Variants in GBX2 observed in about 807,000 individuals in gnomAD.
GBX2 encodes homeobox protein GBX-2.
Under a neutral mutation model 22.4 loss-of-function variants are expected in GBX2, and 5 were observed. That is an observed-to-expected ratio of 0.22 (90% CI 0.12 to 0.47). The LOEUF (loss-of-function observed/expected upper bound fraction) is 0.47. Ranked by LOEUF, GBX2 falls within the 20% of genes least tolerant of loss-of-function variation. The pLI is 0.99. For missense variants in GBX2, 470 were observed against 495.4 expected (o/e 0.95, Z 0.49); for synonymous variants, 220 against 230.5 (o/e 0.95, Z 0.41).
At position 236,166,438 on chromosome 2, in the gene GBX2, C is replaced by G. The variant is rs748363914; in HGVS notation, c.524-1G>C. The G allele has an allele frequency of 8.2e-5, 132 of 1,604,482 alleles. No individual in the cohort carries two copies. Among genetic ancestry groups the G allele is most frequent in the Non-Finnish European group, 1.1e-4 (131 of 1,172,958 alleles). On this transcript the variant is annotated splice_acceptor_variant, in intron 1 of 1. Coordinates refer to ENST00000306318, the MANE Select transcript of GBX2 (RefSeq NM_001485.4). LOFTEE classifies it high-confidence loss of function. The surrounding 1 kb of genome is among the most constrained non-coding windows in gnomAD (Gnocchi z 6.6). ...TTCCCTTGCCCTCGGACAGCCCCGA[C>G]TGAAAGCAAAACCAAACGGCATTTT...
chr2:236,167,330 C>A lies in GBX2; in HGVS notation c.523+119G>T, dbSNP rs10209196. On this transcript the variant is annotated intron_variant, in intron 1 of 1. Coordinates refer to ENST00000306318, the MANE Select transcript of GBX2 (RefSeq NM_001485.4). The stretch of plus-strand genomic sequence containing the variant: ...AGCCGGGCCTCATCCTCCAGCTCCT[C>A]CCGCGGGGGTCGAGCGGGGGCGCGG... 2,401 of 1,386,394 alleles carry A rather than the reference C, an allele frequency of 1.7e-3. 39 individuals carry two copies. In the African/African-American group the frequency reaches 0.031, roughly 18 times the overall value. 85.9% of individuals were successfully genotyped at this position (1,386,394 alleles called of 1,614,324 possible).
downstream of GBX2, among the ~76,000 whole-genome samples, chr2:236,163,178 G>A (rs1257903525): frequency 6.6e-6 from 1 of 152,154 alleles, no homozygotes; most frequent in African/African-American, 2.4e-5. Context: ...GCCATCAAGC[G>A]CTGCTTGTTT....
In GBX2 at chr2:236,166,341, T is replaced by C; in HGVS notation, c.620A>G (p.Tyr207Cys). 1 of 1,614,078 alleles carries C rather than the reference T, an allele frequency of 6.2e-7. No individual in the cohort carries two copies. The highest frequency in any genetic ancestry group is 8.5e-7 in the Non-Finnish European group (1 of 1,180,022). Residue 207 changes from tyrosine to cysteine, a missense_variant, in exon 2 of 2, where the codon TAC becomes TGC. Coordinates refer to ENST00000306318, the MANE Select transcript of GBX2 (RefSeq NM_001485.4). This position sits in a 1 kb window ranked among gnomAD's most constrained non-coding sequence, Gnocchi z 6.6. ...GCCAGTCAGATTGTCATCCGAGCTG[T>C]AGTCCACATCGCTCTCCAGCGAGAA... ...ESFSLESDVD[Y>C]SSDDNLTGQA...
chr2:236,164,747 T>C (rs1018341930), downstream of GBX2, among the ~76,000 whole-genome samples: 1 of 152,198 alleles, frequency 6.6e-6, no homozygotes, highest in African/African-American at 2.4e-5. Flanking sequence ...GCTGGGTTTT[T>C]GCTCCTGTCG....
chr2:236,162,568 T>C (rs1019016728), downstream of GBX2, among the ~76,000 whole-genome samples: 2 of 152,136 alleles, frequency 1.3e-5, no homozygotes, highest in Non-Finnish European at 2.9e-5. Context: ...GGTTCTCCAA[T>C]GGGGCAGGGG....
chr2:236,167,735 A>G lies in GBX2; in HGVS notation c.237T>C (p.Pro79=). 1 of 1,520,092 alleles carries G rather than the reference A, an allele frequency of 6.6e-7. No individual in the cohort carries two copies. Among genetic ancestry groups the G allele is most frequent in the Non-Finnish European group, 8.8e-7 (1 of 1,138,342 alleles). 94.2% of individuals were successfully genotyped at this position (1,520,092 alleles called of 1,614,324 possible). A position where few individuals can be genotyped will look rare whatever the true frequency, so the allele number is the denominator to read the frequency against. The change falls in exon 1 of 2, where the codon CCT becomes CCC. Residue 79 remains proline (P), a synonymous_variant. Transcript: ENST00000306318. The stretch of plus-strand genomic sequence containing the variant: ...TGGGCAGGCTGGGGATCTGGTGGTG[A>G]GGGTGTGCGGGCGGCAGCGCTGGCT... ...ALQPALPPAH[P]HHQIPSLPTG... is the part of the protein sequence containing the mutation.
rs947378277 is a variant in GBX2, at chr2:236,168,083, C to A, written c.-112G>T. 1.9e-5 allele frequency: 23 copies of A among 1,201,940 alleles called. No homozygotes were observed. Among genetic ancestry groups the A allele is most frequent in the African/African-American group, 1.6e-4 (10 of 61,786 alleles). 74.5% of individuals were successfully genotyped at this position (1,201,940 alleles called of 1,614,324 possible). A position where few individuals can be genotyped will look rare whatever the true frequency, so the allele number is the denominator to read the frequency against. ...CCGGGAGCGCCGGGCAGGGGCCGAG[C>A]GGGACCCGGAGAGCAGACGCCTCCG... is the stretch of plus-strand genomic sequence containing the variant. On this transcript the variant is annotated 5_prime_UTR_variant, in exon 1 of 2. Transcript: ENST00000306318.
chr2:236,167,178 G>A (rs890485996), intron 1 of GBX2: 4 of 1,535,532 alleles, frequency 2.6e-6, no homozygotes, highest in Non-Finnish European at 2.6e-6. Flanking sequence ...AGGCGGCCTC[G>A]GCCAAACGCA....
chr2:236,164,418 T>C (rs2060226658), downstream of GBX2, among the ~76,000 whole-genome samples: 2 of 152,080 alleles, frequency 1.3e-5, no homozygotes, highest in African/African-American at 2.4e-5. Context: ...GGCGGCGCGC[T>C]TCGGGGTCCG....
At position 236,166,380 on chromosome 2, in the gene GBX2, C is replaced by T. The variant is rs752334404; in HGVS notation, c.581G>A (p.Gly194Asp). 3 of 1,614,042 alleles carry T rather than the reference C, an allele frequency of 1.9e-6. No individual in the cohort carries two copies. Among genetic ancestry groups the T allele is most frequent in the Non-Finnish European group, 2.5e-6 (3 of 1,180,014 alleles). ...DESKVEDDPK[G>D]KEESFSLESD... ...CTCCAGCGAGAAGCTCTCCTCCTTG[C>T]CCTTCGGGTCGTCTTCCACCTTTGA... Residue 194 changes from glycine to aspartate, a missense_variant, in exon 2 of 2, where the codon GGC becomes GAC. Gly to Asp is a moderately conservative substitution (Grantham distance 94, BLOSUM62 -1). Coordinates refer to ENST00000306318, the MANE Select transcript of GBX2 (RefSeq NM_001485.4). The surrounding 1 kb of genome is among the most constrained non-coding windows in gnomAD (Gnocchi z 6.6).
rs1235340969 is a variant in GBX2 at position 236,167,897 on chromosome 2, G to A, written c.75C>T (p.Asp25=). Residue 25 remains aspartate, a synonymous_variant, in exon 1 of 2, where the codon GAC becomes GAT. Transcript: ENST00000306318. ...GCTGCGGCGGGCTGCCGATCAGCGA[G>A]TCTATGCTGAAGGCGGTGCTACTCC... ...PLGSSTAFSI[D]SLIGSPPQPS... 6.4e-7 allele frequency: 1 copy of A among 1,560,078 alleles called. No homozygotes were observed. The highest frequency in any genetic ancestry group is 8.6e-7 in the Non-Finnish European group (1 of 1,156,240).
In GBX2 at chr2:236,166,271, C is replaced by G; in HGVS notation, c.690G>C (p.Glu230Asp). ...CCGCGGCGCCGCTGCTCGGCGGGGT[C>G]TCCTCCAGCGCGTGGCCCGGGTCTT... ...KEEDPGHALE[E>D]TPPSSGAAGS... Residue 230 changes from glutamate (E) to aspartate (D), a missense_variant, in exon 2 of 2, where the codon GAG becomes GAC. Glu to Asp is a conservative substitution (Grantham distance 45). Coordinates refer to ENST00000306318, the MANE Select transcript of GBX2 (RefSeq NM_001485.4). This position sits in a 1 kb window ranked among gnomAD's most constrained non-coding sequence, Gnocchi z 6.6. The G allele has an allele frequency of 6.2e-7, 1 of 1,613,726 alleles. No individual in the cohort carries two copies. Among genetic ancestry groups the G allele is most frequent in the South Asian group, 1.1e-5 (1 of 91,086 alleles).
chr2:236,165,840 T>G lies in GBX2; in HGVS notation c.*74A>C. ...TGTGACTTTGTTGCTTCAAACACAG[T>G]GGAGTCCACCATGGGTTCCCTCGGG... On this transcript the variant is annotated 3_prime_UTR_variant, in exon 2 of 2. Coordinates refer to ENST00000306318, the MANE Select transcript of GBX2 (RefSeq NM_001485.4). 8.4e-7 allele frequency: 1 copy of G among 1,194,764 alleles called. No homozygotes were observed. Among genetic ancestry groups the G allele is most frequent in the Non-Finnish European group, 1.2e-6 (1 of 838,052 alleles). 74.0% of individuals were successfully genotyped at this position (1,194,764 alleles called of 1,614,324 possible).
Position 236,166,154 on chromosome 2 carries a change from T to C in GBX2, c.807A>G (p.Lys269=). 1 of 1,614,180 alleles carries C rather than the reference T, an allele frequency of 6.2e-7. No homozygotes were observed. Among genetic ancestry groups the C allele is most frequent in the Non-Finnish European group, 8.5e-7 (1 of 1,180,042 alleles). Residue 269 remains lysine, a synonymous_variant, in exon 2 of 2, where the codon AAA becomes AAG. Transcript: ENST00000306318. The surrounding 1 kb of genome is among the most constrained non-coding windows in gnomAD (Gnocchi z 6.6). The stretch of plus-strand genomic sequence containing the variant: ...AGCGCTCGGTCAAGGAGAGGTACTT[T>C]TTGCAGTGGAACTCCTTCTCTAGCT... The part of the protein sequence containing the change: ...LLELEKEFHC[K]KYLSLTERSQ...
Position 236,167,980 on chromosome 2 carries a change from T to G in GBX2, c.-9A>C. 1 of 1,546,982 alleles carries G rather than the reference T, an allele frequency of 6.5e-7. No homozygotes were observed. ...GGGAACGCTGCGCTCATAGACGCGC[T>G]CGGTAGAGGCCAGCGAGAGGCGAAA... On this transcript the variant is annotated 5_prime_UTR_variant, in exon 1 of 2. Coordinates refer to ENST00000306318, the MANE Select transcript of GBX2 (RefSeq NM_001485.4).
chr2:236,167,382 A>C, intron 1 of GBX2, 67 bp downstream of exon 1: 1 of 1,406,876 alleles, frequency 7.1e-7, no homozygotes, highest in Non-Finnish European at 9.2e-7. Flanking sequence ...TCCCGCGGGA[A>C]CCCGGCGCTG....
Position 236,165,894 on chromosome 2 carries a change from G to A in GBX2, c.*20C>T, listed in dbSNP as rs149479396. Reference sequence around the variant, plus strand: ...GGGGGCTTCTCCAGGTGGGTGCCAGGCCCTGGCCCTTCTGGACCCTCAGGG... The same window carrying A: ...GGGGGCTTCTCCAGGTGGGTGCCAGACCCTGGCCCTTCTGGACCCTCAGGG... On this transcript the variant is annotated 3_prime_UTR_variant, in exon 2 of 2. Transcript: ENST00000306318. 4.3e-3 allele frequency: 6,887 copies of A among 1,591,594 alleles called. 20 individuals carry two copies. The highest frequency in any genetic ancestry group is 5.0e-3 in the Non-Finnish European group (5,837 of 1,167,944).
downstream of GBX2, among the ~76,000 whole-genome samples, chr2:236,165,074 A>G (rs1025511711): frequency 2.0e-5 from 3 of 152,076 alleles, no homozygotes; most frequent in East Asian, 1.9e-4. Flanking sequence ...TTGCCCTCCT[A>G]TTTTAAACCT....
At chr2:236,164,257 C>A (rs566237105), downstream of GBX2, among the ~76,000 whole-genome samples, 3 of 152,262 alleles carry the variant, frequency 2.0e-5, no homozygotes, top group East Asian at 3.9e-4. Flanking sequence ...TGCATCGCAG[C>A]GGCTCACCGG....
Sources: gnomAD v4.1 joint callset for allele counts (sites outside exome capture counted in the v4.1 genomes callset) on GRCh38, gnomAD v4.1.1 for gene constraint, Gnocchi (gnomAD v3.1) non-coding constraint, MANE v1.5 for transcripts, NCBI Gene and HGNC (gene_info 2026-07-23, HGNC 2026-07-21) for gene names.